The following ALPL variants were observed in gnomAD, a reference collection of about 807,000 sequenced individuals.
ALPL encodes alkaline phosphatase, biomineralization associated, also known as alkaline phosphatase, tissue-nonspecific isozyme.
Under a neutral mutation model 51.3 loss-of-function variants are expected in ALPL, and 42 were observed. The observed-to-expected ratio is 0.82, with a 90% confidence interval of 0.64 to 1.06. ALPL has a LOEUF of 1.06. Ranked by LOEUF, ALPL falls within the 50% of genes least tolerant of loss-of-function variation. The probability of loss-of-function intolerance (pLI) is 0.00; values close to 1 mark genes in which losing one functional copy is unlikely to be tolerated. For synonymous variants in ALPL, 279 were observed against 296.4 expected (o/e 0.94, Z 0.60); for missense variants, 589 against 709.4 (o/e 0.83, Z 1.93).
At chr1:21,572,819 C>G (rs1046773301) in intron 8 of ALPL, among the ~76,000 whole-genome samples, 1 of 152,072 alleles carries the variant, frequency 6.6e-6, no homozygotes. Context: ...GAAAACGGAG[C>G]CCAGTGAGCA....
Position 21,561,206 on chromosome 1 carries a change from C to T in ALPL, c.291C>T (p.Leu97=), listed in dbSNP as rs1355899771. 2 of 1,607,610 alleles carry T rather than the reference C, an allele frequency of 1.2e-6. No individual in the cohort carries two copies. Among genetic ancestry groups the T allele is most frequent in the Non-Finnish European group, 1.7e-6 (2 of 1,177,090 alleles). The change falls in exon 4 of 12, where the codon CTC becomes CTT. Residue 97 remains leucine (L), a synonymous_variant. Transcript: ENST00000374840. ...LEMDKFPFVA[L]SKTYNTNAQV... ...TGGACAAGTTCCCCTTCGTGGCCCT[C>T]TCCAAGGTGAGCCCCATCCCCAAGC...
In ALPL at chr1:21,529,079, A is replaced by T. The variant is rs1643994374; in HGVS notation, c.-105+19562A>T. On this transcript the variant is annotated intron_variant, in intron 1 of 11. Transcript: ENST00000374840. ...AGCGAGACTCCATCTCAAAAAAAAA[A>T]AAAAGAAAATATTATGGAGTCAGTA... is the stretch of plus-strand genomic sequence containing the variant. Among the ~76,000 whole-genome samples the T allele has an allele frequency of 2.0e-5, 3 of 151,778 alleles. No homozygotes were observed. The South Asian group carries it at 6.3e-4, about 32-fold the overall frequency.
At position 21,575,053 on chromosome 1, in the gene ALPL, G is replaced by A. The variant is rs74063115; in HGVS notation, c.998-680G>A. ...TCACCCGGAGGTGGGAAGCGGGGGC[G>A]GAGGCTGCGAGGGTTCAGGCTTCGG... On this transcript the variant is annotated intron_variant, in intron 9 of 11. Coordinates refer to ENST00000374840, the MANE Select transcript of ALPL (RefSeq NM_000478.6). Among the ~76,000 whole-genome samples, 934 of 152,328 alleles carry A rather than the reference G, an allele frequency of 6.1e-3. 6 individuals are homozygous for A. Among genetic ancestry groups the A allele is most frequent in the Middle Eastern group, 0.02 (6 of 294 alleles).
At chr1:21,512,731 AC>A (rs767681522) in intron 1 of ALPL, among the ~76,000 whole-genome samples, 5 of 150,758 alleles carry the variant, frequency 3.3e-5, no homozygotes, top group Non-Finnish European at 1.5e-5. Flanking sequence ...CCAGCTCCCA[AC>A]CCCCCCGCCA....
intron 4 of ALPL, among the ~76,000 whole-genome samples, chr1:21,561,690 A>T (rs1386457045): frequency 8.2e-6 from 1 of 121,432 alleles, no homozygotes. Context: ...TTTTTTTGAG[A>T]CAGTCTTACT....
At chr1:21,559,139 G>A (rs750422359) in intron 2 of ALPL, among the ~76,000 whole-genome samples, 2 of 152,114 alleles carry the variant, frequency 1.3e-5, no homozygotes, top group Non-Finnish European at 2.9e-5. Context: ...CATGCTACAC[G>A]GCCTTGGACA....
chr1:21,576,229 TGG>T (rs1194608187), intron 10 of ALPL, among the ~76,000 whole-genome samples: 1 of 135,690 alleles, frequency 7.4e-6, no homozygotes, highest in Admixed American at 7.2e-5. Context: ...GATGGATGGA[TGG>T]ATGGATGGAT....
intron 2 of ALPL, among the ~76,000 whole-genome samples, chr1:21,559,638 G>T (rs373913423): frequency 6.6e-6 from 1 of 152,298 alleles, no homozygotes; most frequent in East Asian, 1.9e-4. Context: ...TCCTGCCTCA[G>T]CCTCCTGAGT....
chr1:21,570,309 C>A lies in ALPL; in HGVS notation c.797C>A (p.Ser266Tyr). 1.9e-6 allele frequency: 3 copies of A among 1,614,136 alleles called. No individual in the cohort carries two copies. Among genetic ancestry groups the A allele is most frequent in the Non-Finnish European group, 2.5e-6 (3 of 1,180,012 alleles). Residue 266 changes from serine (S) to tyrosine (Y), a missense_variant, in exon 8 of 12, where the codon TCC (serine) becomes TAC (tyrosine). Transcript: ENST00000374840. ...TGACACAGCCCTTCCTCCTAGCACT[C>A]CCACTTCATCTGGAACCGCACGGAA... ...WKSFKPRYKH[S>Y]HFIWNRTELL...
chr1:21,561,258 C>G (rs751315191), intron 4 of ALPL, 46 bp downstream of exon 4: 1 of 1,498,748 alleles, frequency 6.7e-7, no homozygotes, highest in East Asian at 2.4e-5. Flanking sequence ...TATCCAGTAT[C>G]CAGGTCGAGC....
chr1:21,543,625 A>G (rs968006005), intron 1 of ALPL, among the ~76,000 whole-genome samples: 3 of 152,204 alleles, frequency 2.0e-5, no homozygotes, highest in Non-Finnish European at 4.4e-5. Context: ...TGCCCCAGGA[A>G]GTTCCTTCAT....
chr1:21,515,871 T>TTGC (rs67980544), intron 1 of ALPL, among the ~76,000 whole-genome samples: 1 of 618 alleles, frequency 1.6e-3, no homozygotes, highest in Non-Finnish European at 0.013. Context: ...TTTGTTTGTT[T>TTGC]TGTTGTTGTT....
intron 1 of ALPL, among the ~76,000 whole-genome samples, chr1:21,518,591 T>C (rs1451864465): frequency 6.6e-6 from 1 of 152,152 alleles, no homozygotes; most frequent in Non-Finnish European, 1.5e-5. Context: ...TCTTTCTTTT[T>C]TTTATGGTAT....
At chr1:21,521,341 C>T (rs1467007264) in intron 1 of ALPL, among the ~76,000 whole-genome samples, 4 of 152,128 alleles carry the variant, frequency 2.6e-5, no homozygotes, top group East Asian at 3.9e-4. Context: ...CCTGACAGCA[C>T]GCCTGGCTAA....
chr1:21,529,113 C>CTACT (rs1643995456), intron 1 of ALPL, among the ~76,000 whole-genome samples: 1 of 151,656 alleles, frequency 6.6e-6, no homozygotes, highest in African/African-American at 2.4e-5. Context: ...TATTCTTTGC[C>CTACT]TACCCCAAAG....
At chr1:21,521,928 G>T (rs192815275) in intron 1 of ALPL, among the ~76,000 whole-genome samples, 1 of 152,222 alleles carries the variant, frequency 6.6e-6, no homozygotes, top group Admixed American at 6.5e-5. Flanking sequence ...CATATTTGTT[G>T]AATGAATGAA....
chr1:21,534,921 C>T (rs1351492272), intron 1 of ALPL, among the ~76,000 whole-genome samples: 1 of 152,168 alleles, frequency 6.6e-6, no homozygotes, highest in East Asian at 1.9e-4. Flanking sequence ...TTTAAAACTG[C>T]AAACCTCCCT....
chr1:21,573,241 C>T (rs1239714028), intron 8 of ALPL, among the ~76,000 whole-genome samples: 3 of 152,158 alleles, frequency 2.0e-5, no homozygotes, highest in African/African-American at 4.8e-5. Flanking sequence ...CGAGACCAGC[C>T]TGGCTAACAT....
intron 2 of ALPL, among the ~76,000 whole-genome samples, chr1:21,554,839 T>G (rs1301624929): frequency 3.7e-5 from 5 of 135,982 alleles, no homozygotes; most frequent in South Asian, 2.5e-4. Flanking sequence ...CTTTCTTTCT[T>G]TCTTTCTTTC....
Sources: allele counts gnomAD v4.1 joint callset (sites outside exome capture counted in the v4.1 genomes callset), GRCh38; gene constraint gnomAD v4.1.1; transcripts MANE v1.5; gene names NCBI Gene and HGNC (gene_info 2026-07-23, HGNC 2026-07-21).